AP3B2: variants seen among roughly 807,000 people sequenced by gnomAD.
AP3B2 encodes the protein adaptor related protein complex 3 subunit beta 2.
AP3B2 carries 50 observed loss-of-function variants against 126.9 expected under a neutral mutation model. The ratio of observed to expected loss-of-function variants is 0.39; its 90% CI spans 0.31 to 0.50. The LOEUF is 0.50. AP3B2 is among the 20% of genes least tolerant of loss of function. The pLI, the probability that AP3B2 is intolerant of heterozygous loss-of-function variation, is 0.79. For missense variants in AP3B2, 1,177 were observed against 1,426.4 expected, an observed-to-expected ratio of 0.83 and a Z score of 2.82; for synonymous variants, 541 against 565.0, an observed-to-expected ratio of 0.96 and a Z score of 0.60.
chr15:82,663,314 G>T, intron 21 of AP3B2, 81 bp from the exon 22 acceptor site: 1 of 1,164,678 alleles, frequency 8.6e-7, no homozygotes, highest in Non-Finnish European at 1.3e-6. Context: ...CAAGGAGCAC[G>T]CATTTCAGCA....
At chr15:82,705,447 C>T (rs1459404156) in intron 1 of AP3B2, among the ~76,000 whole-genome samples, 1 of 152,084 alleles carries the variant, frequency 6.6e-6, no homozygotes, top group Non-Finnish European at 1.5e-5. Context: ...ATATACTCTC[C>T]TCCTCAATAC....
intron 1 of AP3B2, among the ~76,000 whole-genome samples, chr15:82,697,565 A>C (rs1002463644): frequency 2.6e-5 from 4 of 152,316 alleles, no homozygotes; most frequent in Non-Finnish European, 4.4e-5. Flanking sequence ...GGGCTGCAGA[A>C]ATGCGTGAGT....
chr15:82,670,361 C>T (rs904559051), intron 14 of AP3B2, among the ~76,000 whole-genome samples: 8 of 152,160 alleles, frequency 5.3e-5, no homozygotes, highest in East Asian at 1.9e-4. Flanking sequence ...CCACCAGCCT[C>T]GGCCTCCCAA....
At chr15:82,670,402 G>A (rs896248372) in intron 14 of AP3B2, among the ~76,000 whole-genome samples, 4 of 152,132 alleles carry the variant, frequency 2.6e-5, no homozygotes, top group Non-Finnish European at 5.9e-5. Flanking sequence ...GAGCCACCAC[G>A]CCTGGCCGTG....
chr15:82,666,629 C>G, intron 15 of AP3B2, 118 bp downstream of exon 15: 3 of 1,143,392 alleles, frequency 2.6e-6, no homozygotes, highest in Non-Finnish European at 3.7e-6. Flanking sequence ...AGCCAGGGAG[C>G]AGGACTGTCC....
chr15:82,689,426 G>T lies in AP3B2; in HGVS notation c.141C>A (p.Asp47Glu). 1 of 1,613,792 alleles carries T rather than the reference G, an allele frequency of 6.2e-7. No individual in the cohort carries two copies. Among genetic ancestry groups the T allele is most frequent in the Non-Finnish European group, 8.5e-7 (1 of 1,179,864 alleles). Residue 47 changes from aspartate (D) to glutamate (E), a missense_variant, in exon 2 of 27, where the codon GAC (aspartate) becomes GAA (glutamate). Coordinates refer to ENST00000535359, the MANE Select transcript of AP3B2 (RefSeq NM_001278512.2). ...CCAGCTTGAGAGAATCCTTGTTGGT[G>T]TCCAGCATCTCCTTCAGGTCATCAT... ...KRHDDLKEML[D>E]TNKDSLKLEA...
At chr15:82,671,711 A>T (rs1430501235) in intron 14 of AP3B2, among the ~76,000 whole-genome samples, 1 of 150,890 alleles carries the variant, frequency 6.6e-6, no homozygotes, top group African/African-American at 2.4e-5. Flanking sequence ...ATTGCACTCC[A>T]GCCTGGGAAA....
chr15:82,695,486 C>T (rs189880154), intron 1 of AP3B2, among the ~76,000 whole-genome samples: 110 of 152,054 alleles, frequency 7.2e-4, no homozygotes, highest in African/African-American at 2.6e-3. Context: ...GCCAAAGATG[C>T]GATCAATCAT....
At chr15:82,672,045 A>G (rs971775044) in intron 14 of AP3B2, among the ~76,000 whole-genome samples, 3 of 152,086 alleles carry the variant, frequency 2.0e-5, no homozygotes, top group African/African-American at 7.3e-5. Flanking sequence ...CTCCATCTCA[A>G]ACAAACAAAC....
chr15:82,678,801 C>G (rs368388921), intron 10 of AP3B2, among the ~76,000 whole-genome samples: 21 of 152,330 alleles, frequency 1.4e-4, no homozygotes, highest in African/African-American at 4.8e-4. Context: ...TGCTTAATGT[C>G]TCCTCCTCCC....
intron 1 of AP3B2, among the ~76,000 whole-genome samples, chr15:82,703,585 A>T (rs969492510): frequency 1.3e-5 from 2 of 152,090 alleles, no homozygotes; most frequent in Non-Finnish European, 2.9e-5. Flanking sequence ...TAACCCCAAT[A>T]CAAACTCAAC....
intron 14 of AP3B2, among the ~76,000 whole-genome samples, chr15:82,671,741 C>CAAAAA (rs33972329): frequency 7.0e-6 from 1 of 142,438 alleles, no homozygotes; most frequent in East Asian, 2.1e-4. Context: ...AACACCATCT[C>CAAAAA]AAAAAAAAAC....
At chr15:82,678,331 A>T (rs1173001007) in intron 10 of AP3B2, among the ~76,000 whole-genome samples, 164 bp from the exon 11 acceptor site, 1 of 152,172 alleles carries the variant, frequency 6.6e-6, no homozygotes, top group African/African-American at 2.4e-5. Flanking sequence ...TTGTCTAAAA[A>T]GCAAGAGGAC....
chr15:82,663,435 A>C lies in AP3B2; in HGVS notation c.2497+125T>G, dbSNP rs1022948532. ...CCCTGCTGCCCTCTCAGGCCTGAAG[A>C]TATGTTCTGTCTGCTCCCCTGCTCC... On this transcript the variant is annotated intron_variant, in intron 21 of 26. Coordinates refer to ENST00000535359, the MANE Select transcript of AP3B2 (RefSeq NM_001278512.2). 1.6e-5 allele frequency: 19 copies of C among 1,183,810 alleles called. No individual in the cohort carries two copies. The Admixed American group carries it at 2.1e-4, about 13-fold the overall frequency. 73.3% of individuals were successfully genotyped at this position (1,183,810 alleles called of 1,614,324 possible). A position where few individuals can be genotyped will look rare whatever the true frequency, so the allele number is the denominator to read the frequency against.
At position 82,680,810 on chromosome 15, in the gene AP3B2, C is replaced by A. The variant is rs558600289; in HGVS notation, c.771+27G>T. On this transcript the variant is annotated intron_variant, in intron 7 of 26. Transcript: ENST00000535359. This position sits in a 1 kb window ranked among gnomAD's most constrained non-coding sequence, Gnocchi z 6.1. ...CGCCTCCCCGGGACACACTTCGGCC[C>A]GCTCTGCCTGGGCTGGGCCCACTTA... The A allele has an allele frequency of 1.2e-6, 2 of 1,611,846 alleles. No individual in the cohort carries two copies.
rs761236203 is a variant in AP3B2, at chr15:82,680,702, G to C, written c.825C>G (p.Asp275Glu). ...CCTCAGACCCCGCGCCCTTGGCCTCGTCCTCCTCTGAGCCGTAGAAGGCTT... is the reference window on the plus strand; with the variant it reads ...CCTCAGACCCCGCGCCCTTGGCCTCCTCCTCCTCTGAGCCGTAGAAGGCTT... ...AEKAFYGSEE[D>E]EAKGAGSEET... Residue 275 changes from aspartate (D) to glutamate (E), a missense_variant, in exon 8 of 27, where the codon GAC (aspartate) becomes GAG (glutamate). Asp to Glu is a conservative substitution (Grantham distance 45, BLOSUM62 2). Around this residue, in one of 5 missense-constraint regions of AP3B2, gnomAD observed 103 missense variants for 101.4 expected, o/e 1.02. Transcript: ENST00000535359. The surrounding 1 kb of genome is among the most constrained non-coding windows in gnomAD (Gnocchi z 6.1). 1.3e-6 allele frequency: 2 copies of C among 1,568,684 alleles called. No homozygotes were observed. Among genetic ancestry groups the C allele is most frequent in the South Asian group, 2.3e-5 (2 of 86,656 alleles).
rs371778629 is a variant in AP3B2 at position 82,679,783 on chromosome 15, G to A, written c.1128C>T (p.Tyr376=). The change falls in exon 10 of 27, where the codon TAC becomes TAT. Residue 376 remains tyrosine, a synonymous_variant. Coordinates refer to ENST00000535359, the MANE Select transcript of AP3B2 (RefSeq NM_001278512.2). ...SIKRRGMFEP[Y]LKSFYIRSTD... ...TGGACCTGATGTAGAAGCTCTTCAG[G>A]TAGGGCTCAAACATACCCTGGCACA... 19 of 1,613,656 alleles carry A rather than the reference G, an allele frequency of 1.2e-5. No individual in the cohort carries two copies. Among genetic ancestry groups the A allele is most frequent in the Non-Finnish European group, 1.6e-5 (19 of 1,179,798 alleles).
chr15:82,707,925 A>G (rs2048822353), intron 1 of AP3B2, among the ~76,000 whole-genome samples: 1 of 152,102 alleles, frequency 6.6e-6, no homozygotes, highest in African/African-American at 2.4e-5. Flanking sequence ...GGCTATGGAG[A>G]AGCAGTATCT....
At chr15:82,705,040 C>T (rs542342639) in intron 1 of AP3B2, among the ~76,000 whole-genome samples, 1 of 152,266 alleles carries the variant, frequency 6.6e-6, no homozygotes, top group East Asian at 1.9e-4. Flanking sequence ...ATCTGCTTCC[C>T]TGACTATTCC....
Sources: gnomAD v4.1 joint callset for allele counts (sites outside exome capture counted in the v4.1 genomes callset) on GRCh38, gnomAD v4.1.1 for gene constraint, gnomAD v4.1.1 regional missense constraint, Gnocchi (gnomAD v3.1) non-coding constraint, MANE v1.5 for transcripts, NCBI Gene and HGNC (gene_info 2026-07-23, HGNC 2026-07-21) for gene names.